Variants in KIF27 observed in about 807,000 individuals in gnomAD.
KIF27 encodes the protein kinesin family member 27.
KIF27 carries 84 observed loss-of-function variants against 141.8 expected under a neutral mutation model. The observed-to-expected ratio is 0.59, with a 90% CI of 0.50 to 0.71. The LOEUF (loss-of-function observed/expected upper bound fraction) is 0.71. Ranked by LOEUF, KIF27 falls within the 30% of genes least tolerant of loss-of-function variation. KIF27 has a pLI of 0.00. For missense variants in KIF27, 1,306 were observed against 1,628.4 expected (o/e 0.80, Z 3.41); for synonymous variants, 471 against 569.5 (o/e 0.83, Z 2.46).
chr9:83,858,934 A>G (rs1949570214), intron 14 of KIF27: 4 of 553,848 alleles, frequency 7.2e-6, no homozygotes, highest in Non-Finnish European at 1.3e-5. Flanking sequence ...TGGCAGTGCC[A>G]GGAAGGGGCC....
intron 11 of KIF27, among the ~76,000 whole-genome samples, chr9:83,871,530 T>A (rs1184357382): frequency 6.6e-6 from 1 of 152,148 alleles, no homozygotes; most frequent in Non-Finnish European, 1.5e-5. Context: ...AAGACATCCA[T>A]CTGCTGTGAG....
At chr9:83,919,184 A>G (rs1253970440) in intron 1 of KIF27, among the ~76,000 whole-genome samples, 1 of 152,230 alleles carries the variant, frequency 6.6e-6, no homozygotes, top group African/African-American at 2.4e-5. Context: ...TAAAGAAATT[A>G]GAACCCTCAT....
At chr9:83,896,605 T>C (rs1953285720) in intron 5 of KIF27, among the ~76,000 whole-genome samples, 1 of 152,192 alleles carries the variant, frequency 6.6e-6, no homozygotes, top group Non-Finnish European at 1.5e-5. Context: ...ATACCATGCT[T>C]ATGGATTAGG....
rs373055922 is a variant in KIF27 at position 83,888,477 on chromosome 9, A to T, written c.2083+12T>A. The T allele has an allele frequency of 3.0e-6, 4 of 1,316,868 alleles. No homozygotes were observed. Among genetic ancestry groups the T allele is most frequent in the Non-Finnish European group, 4.3e-6 (4 of 936,584 alleles). The allele number at this position is 1,316,868 out of a possible 1,614,324, so 81.6% of individuals were successfully genotyped here. A position where few individuals can be genotyped will look rare whatever the true frequency, so the allele number is the denominator to read the frequency against. On this transcript the variant is annotated intron_variant, in intron 8 of 17. Transcript: ENST00000297814. ...ACCATTAGGTCTACATTATTTAAGAAGATCTATGTACCTTCATTCTCCAAA... is the reference window on the plus strand; with the variant it reads ...ACCATTAGGTCTACATTATTTAAGATGATCTATGTACCTTCATTCTCCAAA...
rs1437555116 is a variant in KIF27 at position 83,904,012 on chromosome 9, A to G, written c.506T>C (p.Val169Ala). The stretch of plus-strand genomic sequence containing the variant: ...CTCCACATGGCATTCCTTGGCCCCA[A>G]CAATCACTTAAAATAGTAATAACAT... Reference protein sequence around the residue: ...REDEKGNTVIVGAKECHVESA... With the variant: ...REDEKGNTVIAGAKECHVESA... Residue 169 changes from valine (V) to alanine (A), a missense_variant, in exon 4 of 18, where the codon GTT (valine) becomes GCT (alanine). Around this residue, in one of 4 missense-constraint regions of KIF27, gnomAD observed 533 missense variants for 565.6 expected, o/e 0.94. Coordinates refer to ENST00000297814, the MANE Select transcript of KIF27 (RefSeq NM_017576.4). 6.3e-7 allele frequency: 1 copy of G among 1,596,054 alleles called. No homozygotes were observed.
chr9:83,912,210 T>C (rs1415182592), intron 2 of KIF27, among the ~76,000 whole-genome samples: 1 of 152,230 alleles, frequency 6.6e-6, no homozygotes, highest in Non-Finnish European at 1.5e-5. Flanking sequence ...GAAAATGTAT[T>C]CCAAGCAACA....
rs1445381848 is a variant in KIF27, at chr9:83,835,120, T to C, written c.*1881A>G. Among the ~76,000 whole-genome samples, 3 of 150,038 alleles carry C rather than the reference T, an allele frequency of 2.0e-5. No homozygotes were observed. The highest frequency in any genetic ancestry group is 6.7e-5 in the Admixed American group (1 of 14,964). ...AATTTACACATACTTGTTTTACTTA[T>C]GGAAATACAAACACATTTCCTTATA... On this transcript the variant is annotated 3_prime_UTR_variant, in exon 18 of 18. Transcript: ENST00000297814.
intron 11 of KIF27, among the ~76,000 whole-genome samples, chr9:83,872,361 T>C (rs1950867870): frequency 1.3e-5 from 2 of 152,050 alleles, no homozygotes; most frequent in Non-Finnish European, 2.9e-5. Context: ...TGGTGCCTTC[T>C]AGGGGTTTAG....
intron 5 of KIF27, chr9:83,898,951 G>C (rs923017723): frequency 6.6e-6 from 1 of 152,248 alleles, no homozygotes; most frequent in African/African-American, 2.4e-5. Flanking sequence ...ATGAGATCCT[G>C]TCTCAAAACA....
intron 12 of KIF27, 164 bp from the exon 13 acceptor site, chr9:83,868,024 T>G (rs534451461): frequency 1.6e-6 from 1 of 644,242 alleles, no homozygotes; most frequent in South Asian, 2.7e-5. Flanking sequence ...ACATCAGTGG[T>G]TCTAGTCAAG....
In KIF27 at chr9:83,867,686, G is replaced by A; in HGVS notation, c.2932C>T (p.Gln978Ter). Residue 978 changes from glutamine (Q) to a stop codon, truncating the protein, a stop_gained and splice_region_variant, in exon 13 of 18, where the codon CAG becomes TAG. Coordinates refer to ENST00000297814, the MANE Select transcript of KIF27 (RefSeq NM_017576.4). LOFTEE classifies it high-confidence loss of function. ...AAGTAGTGTATTAAACAGAATACCT[G>A]ACTAGATCTCAATTTCTTATTTTCC... ...HLENKKLRSS[Q>*]ALNTDSLKIS... 2 of 1,604,146 alleles carry A rather than the reference G, an allele frequency of 1.2e-6. No homozygotes were observed. The highest frequency in any genetic ancestry group is 1.7e-6 in the Non-Finnish European group (2 of 1,177,236).
At chr9:83,896,717 A>C (rs527901481) in intron 5 of KIF27, among the ~76,000 whole-genome samples, 79 of 152,348 alleles carry the variant, frequency 5.2e-4, no homozygotes, top group Non-Finnish European at 1.1e-3. Context: ...TAATGTATAC[A>C]TACATCAAAA....
intron 17 of KIF27, 104 bp from the exon 18 acceptor site, chr9:83,837,589 A>G: frequency 1.7e-6 from 2 of 1,177,746 alleles, no homozygotes; most frequent in Non-Finnish European, 2.4e-6. Flanking sequence ...CCCAATATGC[A>G]TAATGTTTTT....
Position 83,891,363 on chromosome 9 carries a change from A to G in KIF27, c.1741T>C (p.Tyr581His), listed in dbSNP as rs771529286. ...AAATGAGTATCAAATGGTACAGTAT[A>G]TGGTCTCCTTTCAGGGATCCTGGCA... ...PDARIPERRP[Y>H]TVPFDTHLGH... The change falls in exon 6 of 18, where the codon TAT (tyrosine) becomes CAT (histidine). Residue 581 changes from tyrosine to histidine, a missense_variant. Tyr to His is a moderately conservative substitution (Grantham distance 83). Coordinates refer to ENST00000297814, the MANE Select transcript of KIF27 (RefSeq NM_017576.4). The G allele has an allele frequency of 6.8e-6, 11 of 1,613,802 alleles. No individual in the cohort carries two copies. Among genetic ancestry groups the G allele is most frequent in the Non-Finnish European group, 9.3e-6 (11 of 1,179,774 alleles).
intron 12 of KIF27, among the ~76,000 whole-genome samples, chr9:83,869,463 C>T (rs549857326): frequency 3.9e-4 from 59 of 152,198 alleles, no homozygotes; most frequent in Admixed American, 9.2e-4. Context: ...CAGCTGGGCG[C>T]GGTGGCTCAC....
At chr9:83,894,031 T>A (rs955484426) in intron 5 of KIF27, among the ~76,000 whole-genome samples, 20 of 152,150 alleles carry the variant, frequency 1.3e-4, no homozygotes, top group African/African-American at 4.6e-4. Context: ...GAAAATTATA[T>A]ACAATGGTCA....
intron 3 of KIF27, among the ~76,000 whole-genome samples, chr9:83,904,547 T>C (rs1254120986): frequency 6.6e-6 from 1 of 152,082 alleles, no homozygotes; most frequent in Non-Finnish European, 1.5e-5. Context: ...TTTTTTGTAT[T>C]TTTAGTAGAG....
chr9:83,910,186 G>T (rs545263862), intron 2 of KIF27, among the ~76,000 whole-genome samples: 16 of 150,594 alleles, frequency 1.1e-4, no homozygotes, highest in Non-Finnish European at 2.2e-4. Flanking sequence ...CTACACAAAG[G>T]GCTTCCCCTG....
Position 83,859,030 on chromosome 9 carries a change from A to G in KIF27, c.3150+126T>C. The G allele has an allele frequency of 4.0e-6, 3 of 745,810 alleles. No homozygotes were observed. In the Admixed American group the frequency reaches 6.4e-5, roughly 16 times the overall value. 46.2% of individuals were successfully genotyped at this position (745,810 alleles called of 1,614,324 possible). ...CAAATAAGTGCCAGGTGAACTCACT[A>G]CATCTGACAAAATCTCAAGGAACCA... On this transcript the variant is annotated intron_variant, in intron 14 of 17. Transcript: ENST00000297814.
Sources: allele counts gnomAD v4.1 joint callset (sites outside exome capture counted in the v4.1 genomes callset), GRCh38; gene constraint gnomAD v4.1.1; regional missense constraint gnomAD v4.1.1; transcripts MANE v1.5; gene names NCBI Gene and HGNC (gene_info 2026-07-23, HGNC 2026-07-21).